Variants in NFATC2 observed in about 807,000 individuals in gnomAD.
NFATC2 encodes nuclear factor of activated T-cells, cytoplasmic 2.
A neutral mutation model predicts 87.3 loss-of-function variants in NFATC2; 22 were observed. That is an observed-to-expected ratio of 0.25 (90% CI 0.18 to 0.36). The LOEUF (loss-of-function observed/expected upper bound fraction) is 0.36. Among genes scored for constraint, NFATC2 ranks in the 10% least tolerant of loss-of-function variants. The pLI, the probability that NFATC2 is intolerant of heterozygous loss-of-function variation, is 1.00. For missense variants in NFATC2, 1,149 were observed against 1,259.1 expected (o/e 0.91, Z 1.32); for synonymous variants, 565 against 542.2 (o/e 1.04, Z -0.58).
chr20:51,469,749 A>G (rs1988023538), intron 5 of NFATC2, among the ~76,000 whole-genome samples: 2 of 152,174 alleles, frequency 1.3e-5, no homozygotes, highest in Admixed American at 1.3e-4. Flanking sequence ...TGCAGCCACA[A>G]GCCAAGGAAG....
Position 51,398,709 on chromosome 20 carries a change from CTAAGG to C in NFATC2, c.2739_2743del (p.His913GlnfsTer16). On this transcript the variant is annotated frameshift_variant, in exon 10 of 11. Transcript: ENST00000371564. LOFTEE classifies it high-confidence loss of function. ...GTTTCATAATATGTTTTGTATCCAGCTAAGGTGTGTGTCTATCAGCTCTGAAAAAG... is the reference window on the plus strand; with the variant it reads ...GTTTCATAATATGTTTTGTATCCAGCTGTGTGTCTATCAGCTCTGAAAAAG... 1 of 1,612,774 alleles carries C rather than the reference CTAAGG, an allele frequency of 6.2e-7. No homozygotes were observed. The highest frequency in any genetic ancestry group is 8.5e-7 in the Non-Finnish European group (1 of 1,179,306).
At chr20:51,430,277 G>A (rs888386885) in intron 9 of NFATC2, among the ~76,000 whole-genome samples, 2 of 152,106 alleles carry the variant, frequency 1.3e-5, no homozygotes, top group African/African-American at 4.8e-5. Flanking sequence ...CAATACAATC[G>A]ATCCCCCAGG....
chr20:51,391,555 A>AT, intron 10 of NFATC2, 104 bp from the exon 11 acceptor site: 1 of 1,233,418 alleles, frequency 8.1e-7, no homozygotes, highest in Non-Finnish European at 1.2e-6. Flanking sequence ...TGGGCTATTG[A>AT]TTTTTGAGAC....
chr20:51,549,434 A>T (rs1601010587), intron 1 of NFATC2, among the ~76,000 whole-genome samples: 1 of 152,194 alleles, frequency 6.6e-6, no homozygotes, highest in African/African-American at 2.4e-5. Context: ...CACCACACCC[A>T]GCTAATTTGA....
At chr20:51,519,914 TAAA>T (rs764620449) in intron 2 of NFATC2, among the ~76,000 whole-genome samples, 8 of 128,434 alleles carry the variant, frequency 6.2e-5, no homozygotes, top group Admixed American at 8.0e-5. Context: ...AGACTCCATC[TAAA>T]AAAAAAAAAA....
chr20:51,550,849 C>T (rs2076926977), intron 1 of NFATC2, among the ~76,000 whole-genome samples: 1 of 152,180 alleles, frequency 6.6e-6, no homozygotes, highest in Non-Finnish European at 1.5e-5. Flanking sequence ...ACAGTTTCTA[C>T]TGAACTCATA....
At chr20:51,559,209 G>T (rs2077002128) in intron 1 of NFATC2, among the ~76,000 whole-genome samples, 1 of 152,214 alleles carries the variant, frequency 6.6e-6, no homozygotes. Flanking sequence ...CTTCTACTAA[G>T]AGTGGAAGCC....
chr20:51,461,322 G>A (rs191720218), intron 5 of NFATC2, among the ~76,000 whole-genome samples: 6 of 152,158 alleles, frequency 3.9e-5, no homozygotes, highest in Admixed American at 1.3e-4. Flanking sequence ...AATCCAAACC[G>A]CACAGCCTGC....
At chr20:51,452,428 C>A (rs572454620) in intron 6 of NFATC2, among the ~76,000 whole-genome samples, 2 of 152,290 alleles carry the variant, frequency 1.3e-5, no homozygotes, top group South Asian at 4.1e-4. Context: ...AGGTCGGAGC[C>A]AATTCCCAGG....
chr20:51,443,214 CT>C (rs1424932833), intron 6 of NFATC2, among the ~76,000 whole-genome samples: 2 of 152,210 alleles, frequency 1.3e-5, no homozygotes, highest in Non-Finnish European at 2.9e-5. Context: ...CTACTCCTCC[CT>C]TCCAGCCTGA....
chr20:51,489,599 C>A (rs1024876630), intron 3 of NFATC2, among the ~76,000 whole-genome samples: 1 of 152,170 alleles, frequency 6.6e-6, no homozygotes, highest in Non-Finnish European at 1.5e-5. Flanking sequence ...AGTAAGACAA[C>A]CATGTCTAGG....
chr20:51,447,432 A>C (rs1278598493), intron 6 of NFATC2, among the ~76,000 whole-genome samples: 1 of 152,260 alleles, frequency 6.6e-6, no homozygotes, highest in East Asian at 1.9e-4. Context: ...TAGTTGGCCA[A>C]GCCTGGGGGC....
At chr20:51,507,461 C>G (rs1344444281) in intron 3 of NFATC2, among the ~76,000 whole-genome samples, 3 of 152,192 alleles carry the variant, frequency 2.0e-5, no homozygotes, top group Non-Finnish European at 4.4e-5. Context: ...CAAAAGTGAT[C>G]TATGTCTAGA....
chr20:51,501,559 C>T (rs2146629714), intron 3 of NFATC2, among the ~76,000 whole-genome samples: 1 of 152,322 alleles, frequency 6.6e-6, no homozygotes. Flanking sequence ...AGCAACACAG[C>T]TTATTCCCTC....
chr20:51,542,815 G>A (rs1601000723), upstream of NFATC2: 4 of 749,260 alleles, frequency 5.3e-6, no homozygotes, highest in Admixed American at 6.8e-5. Flanking sequence ...GCCGCCACCA[G>A]GGGACCGGAG....
At position 51,434,420 on chromosome 20, in the gene NFATC2, C is replaced by T. The variant is rs914626867; in HGVS notation, c.2032+768G>A. ...TTTCTCAGCCTGGGAAGCCTATAGC[C>T]TATTTCCCAAGGGAGAGCTCAGAGA... On this transcript the variant is annotated intron_variant, in intron 8 of 10. Coordinates refer to ENST00000371564, the MANE Select transcript of NFATC2 (RefSeq NM_012340.5). Among the ~76,000 whole-genome samples the T allele has an allele frequency of 8.3e-4, 123 of 148,472 alleles. 2 individuals carry two copies. The highest frequency in any genetic ancestry group is 2.4e-4 in the Non-Finnish European group (16 of 67,316).
chr20:51,403,663 GAAGGGCC>G (rs1235096327), intron 9 of NFATC2, among the ~76,000 whole-genome samples: 1 of 152,006 alleles, frequency 6.6e-6, no homozygotes, highest in African/African-American at 2.4e-5. Flanking sequence ...GGCCTAAGAA[GAAGGGCC>G]ACCAGAGGTC....
At chr20:51,509,434 T>C (rs1392488230) in intron 3 of NFATC2, among the ~76,000 whole-genome samples, 1 of 152,106 alleles carries the variant, frequency 6.6e-6, no homozygotes, top group Non-Finnish European at 1.5e-5. Flanking sequence ...AATGAGCAAA[T>C]GAACCCCAGT....
intron 1 of NFATC2, among the ~76,000 whole-genome samples, chr20:51,553,080 T>TA (rs1289689312): frequency 6.0e-4 from 89 of 147,412 alleles, no homozygotes; most frequent in African/African-American, 1.6e-3. Flanking sequence ...TCCAACTTCT[T>TA]AAAAAAAAAA....
Sources: allele counts gnomAD v4.1 joint callset (sites outside exome capture counted in the v4.1 genomes callset), GRCh38; gene constraint gnomAD v4.1.1; transcripts MANE v1.5; gene names NCBI Gene and HGNC (gene_info 2026-07-23, HGNC 2026-07-21).